Variants in SAMD4A observed in about 807,000 individuals in gnomAD.
SAMD4A encodes sterile alpha motif domain containing 4A.
SAMD4A carries 33 observed loss-of-function variants against 81.3 expected under a neutral mutation model. The ratio of observed to expected loss-of-function variants is 0.41; its 90% confidence interval spans 0.31 to 0.54. SAMD4A has a LOEUF of 0.54. Ranked by LOEUF, SAMD4A falls within the 20% of genes least tolerant of loss-of-function variation. SAMD4A has a pLI of 0.37. For missense variants in SAMD4A, 854 were observed against 951.1 expected, an observed-to-expected ratio of 0.90 and a Z score of 1.34; for synonymous variants, 389 against 382.1, an observed-to-expected ratio of 1.02 and a Z score of -0.21.
chr14:54,665,072 G>T (rs111957537), intron 2 of SAMD4A, among the ~76,000 whole-genome samples: 449 of 152,230 alleles, frequency 2.9e-3, no homozygotes, highest in African/African-American at 0.01. Flanking sequence ...AGATTCTATA[G>T]TGGAGCACAA....
At chr14:54,617,486 A>G (rs1454551548) in intron 2 of SAMD4A, among the ~76,000 whole-genome samples, 1 of 151,846 alleles carries the variant, frequency 6.6e-6, no homozygotes, top group African/African-American at 2.4e-5. Context: ...TTTTTCAGAG[A>G]AAAGTGGGGG....
intron 2 of SAMD4A, chr14:54,695,024 C>T (rs1010660108): frequency 5.4e-6 from 3 of 558,792 alleles, no homozygotes; most frequent in Non-Finnish European, 6.8e-6. Context: ...CACCTGATGA[C>T]CTTCTGCTGT....
chr14:54,568,594 A>T (rs1372497454), intron 2 of SAMD4A, among the ~76,000 whole-genome samples: 1 of 149,818 alleles, frequency 6.7e-6, no homozygotes, highest in East Asian at 2.0e-4. Flanking sequence ...ATCCAATTTT[A>T]TTATTCATTT....
At chr14:54,597,584 CTTTTTTTTTTTTTT>C (rs71127662) in intron 2 of SAMD4A, among the ~76,000 whole-genome samples, 1 of 90,876 alleles carries the variant, frequency 1.1e-5, no homozygotes. Flanking sequence ...TTCCTTCTAT[CTTTTTTTTTTTTTT>C]TTTTTTTTTG....
rs1315877320 is a variant in SAMD4A, at chr14:54,789,692, T to C, written c.*748T>C. 1.3e-5 allele frequency: 2 copies of C among 152,100 alleles called. No individual in the cohort carries two copies. Among genetic ancestry groups the C allele is most frequent in the East Asian group, 1.9e-4 (1 of 5,198 alleles). The allele number at this position is 152,100 out of a possible 1,614,324, so 9.4% of individuals were successfully genotyped here. On this transcript the variant is annotated 3_prime_UTR_variant, in exon 13 of 13. Transcript: ENST00000554335. ...CTCTATTTTTATAAGAGCAGCAGAGTTGTCTTCTCAAAACGGCTGCCAAGC... is the reference window on the plus strand; with the variant it reads ...CTCTATTTTTATAAGAGCAGCAGAGCTGTCTTCTCAAAACGGCTGCCAAGC...
At chr14:54,571,237 C>T (rs2033119433) in intron 2 of SAMD4A, among the ~76,000 whole-genome samples, 2 of 152,090 alleles carry the variant, frequency 1.3e-5, no homozygotes, top group Non-Finnish European at 2.9e-5. Context: ...TTGGAGATTC[C>T]AAGAAATGAT....
At chr14:54,705,191 A>ATAT (rs5808792) in intron 3 of SAMD4A, among the ~76,000 whole-genome samples, 98,058 of 151,754 alleles carry the variant, frequency 0.65, 32,470 homozygotes, top group Admixed American at 0.71. Context: ...TGTTAGATGA[A>ATAT]TAAATGAAAG....
chr14:54,671,642 T>C (rs980929932), intron 2 of SAMD4A, among the ~76,000 whole-genome samples: 2 of 152,202 alleles, frequency 1.3e-5, no homozygotes, highest in African/African-American at 4.8e-5. Flanking sequence ...TCTTGGACTT[T>C]ACTGAACACG....
intron 2 of SAMD4A, among the ~76,000 whole-genome samples, chr14:54,582,411 G>C (rs189768482): frequency 6.7e-4 from 102 of 152,262 alleles, no homozygotes; most frequent in African/African-American, 2.4e-3. Context: ...TCCTTGAACA[G>C]AGCAGATATG....
chr14:54,774,870 C>A (rs968677669), intron 9 of SAMD4A, 64 bp from the exon 10 acceptor site: 66 of 1,533,040 alleles, frequency 4.3e-5, no homozygotes, highest in Admixed American at 8.5e-5. Flanking sequence ...CCTTGGGAAG[C>A]CTGTGGCTTA....
At chr14:54,767,594 A>G (rs2038585799) in intron 8 of SAMD4A, among the ~76,000 whole-genome samples, 1 of 152,192 alleles carries the variant, frequency 6.6e-6, no homozygotes, top group Non-Finnish European at 1.5e-5. Context: ...AGACAGATGC[A>G]TTGGTCTAGG....
chr14:54,567,477 GCT>G lies in SAMD4A; in HGVS notation c.-421-16_-421-15del, dbSNP rs2032974816. ...CTCCGCTAGCCGAGGTCTCACTGCA[GCT>G]CTTTCTCTCCTTCCAGTGGTGATCG... On this transcript the variant is annotated splice_polypyrimidine_tract_variant and intron_variant, in intron 1 of 12. Coordinates refer to ENST00000554335, the MANE Select transcript of SAMD4A (RefSeq NM_015589.6). 1 of 167,590 alleles carries G rather than the reference GCT, an allele frequency of 6.0e-6. No individual in the cohort carries two copies. The highest frequency in any genetic ancestry group is 1.3e-5 in the Non-Finnish European group (1 of 78,406). The allele number at this position is 167,590 out of a possible 1,614,324, so 10.4% of individuals were successfully genotyped here.
At chr14:54,614,127 G>A (rs920428506) in intron 2 of SAMD4A, among the ~76,000 whole-genome samples, 9 of 152,300 alleles carry the variant, frequency 5.9e-5, no homozygotes, top group Admixed American at 3.3e-4. Flanking sequence ...GGAGATATGA[G>A]AATCTAGCTG....
chr14:54,697,408 A>G (rs61976982), intron 2 of SAMD4A, among the ~76,000 whole-genome samples: 8,924 of 152,324 alleles, frequency 0.059, 343 homozygotes, highest in South Asian at 0.12. Context: ...TTATGTATTA[A>G]GTTGCCCTGA....
intron 2 of SAMD4A, among the ~76,000 whole-genome samples, chr14:54,568,912 C>T (rs2033046073): frequency 6.6e-6 from 1 of 151,674 alleles, no homozygotes; most frequent in Admixed American, 6.6e-5. Flanking sequence ...TATTTACAGA[C>T]ACCTCAACTA....
intron 11 of SAMD4A, among the ~76,000 whole-genome samples, chr14:54,780,189 C>T (rs1283301353): frequency 6.6e-6 from 1 of 152,184 alleles, no homozygotes; most frequent in Admixed American, 6.5e-5. Flanking sequence ...TTCTGAAAAT[C>T]TCATTCTTCC....
chr14:54,606,625 G>A (rs1406785249), intron 2 of SAMD4A, among the ~76,000 whole-genome samples: 1 of 152,178 alleles, frequency 6.6e-6, no homozygotes, highest in Non-Finnish European at 1.5e-5. Context: ...TGTTCATTCA[G>A]CACCTTTCTT....
intron 2 of SAMD4A, among the ~76,000 whole-genome samples, chr14:54,676,250 T>C (rs573721384): frequency 3.5e-4 from 54 of 152,344 alleles, no homozygotes; most frequent in Non-Finnish European, 5.9e-4. Context: ...TATTCAGATA[T>C]CTCCATTTTT....
At chr14:54,657,674 AATGACC>A (rs1391903464) in intron 2 of SAMD4A, among the ~76,000 whole-genome samples, 4 of 152,194 alleles carry the variant, frequency 2.6e-5, no homozygotes, top group Admixed American at 2.6e-4. Flanking sequence ...GTCCATGTAA[AATGACC>A]AGCAGTCTCC....
Sources: allele counts gnomAD v4.1 joint callset (sites outside exome capture counted in the v4.1 genomes callset), GRCh38; gene constraint gnomAD v4.1.1; transcripts MANE v1.5; gene names NCBI Gene and HGNC (gene_info 2026-07-23, HGNC 2026-07-21).